The following RBBP6 variants were observed in gnomAD, a reference collection of about 807,000 sequenced individuals.
RBBP6 encodes E3 ubiquitin-protein ligase RBBP6.
A neutral mutation model predicts 167.7 loss-of-function variants in RBBP6; 25 were observed. The ratio of observed to expected loss-of-function variants is 0.15; its 90% CI spans 0.11 to 0.21. RBBP6 has a LOEUF of 0.21. Among genes scored for constraint, RBBP6 ranks in the 10% least tolerant of loss-of-function variants. The pLI, the probability that RBBP6 is intolerant of heterozygous loss-of-function variation, is 1.00. For synonymous variants in RBBP6, 789 were observed against 735.8 expected (o/e 1.07, Z -1.17); for missense variants, 1,868 against 2,134.2 (o/e 0.88, Z 2.46).
chr16:24,563,272 A>G lies in RBBP6; in HGVS notation c.1363A>G (p.Ile455Val). 1.2e-6 allele frequency: 2 copies of G among 1,610,462 alleles called. No homozygotes were observed. Among genetic ancestry groups the G allele is most frequent in the Non-Finnish European group, 1.7e-6 (2 of 1,178,424 alleles). The change falls in exon 11 of 18, where the codon ATT (isoleucine) becomes GTT (valine). Residue 455 changes from isoleucine to valine, a missense_variant. This residue lies in a region of RBBP6 where 245 missense variants were observed against 240.1 expected (regional missense o/e 1.02). Transcript: ENST00000319715. ...CTCAAAGGGAACCTCCTCAATTGCA[A>G]TTACCGCTCTTATGGAAGAGAAGGT... is the stretch of plus-strand genomic sequence containing the variant. ...EHSKGTSSIAITALMEEKGYQ... is the reference protein window; with the variant it reads ...EHSKGTSSIAVTALMEEKGYQ...
Position 24,569,080 on chromosome 16 carries a change from A to T in RBBP6, c.2390A>T (p.Asn797Ile). ...PQGETEREYF[N>I]RYREVPPPYD... ...GGGGAAACAGAACGTGAATATTTTA[A>T]TAGATACAGAGAAGTTCCACCACCA... The change falls in exon 17 of 18, where the codon AAT (asparagine) becomes ATT (isoleucine). Residue 797 changes from asparagine (N) to isoleucine (I), a missense_variant. Coordinates refer to ENST00000319715, the MANE Select transcript of RBBP6 (RefSeq NM_006910.5). The T allele has an allele frequency of 6.2e-7, 1 of 1,614,176 alleles. No individual in the cohort carries two copies. Among genetic ancestry groups the T allele is most frequent in the Non-Finnish European group, 8.5e-7 (1 of 1,179,996 alleles).
chr16:24,542,529 G>T (rs909190263), intron 1 of RBBP6, among the ~76,000 whole-genome samples: 4 of 151,280 alleles, frequency 2.6e-5, no homozygotes, highest in Non-Finnish European at 1.5e-5. Context: ...CACCATCTTA[G>T]CTCACTGCAA....
chr16:24,556,188 A>G, intron 6 of RBBP6, 120 bp from the exon 7 acceptor site: 1 of 818,326 alleles, frequency 1.2e-6, no homozygotes, highest in Non-Finnish European at 1.9e-6. Context: ...GGATTAAATG[A>G]GATCACATAT....
At position 24,546,168 on chromosome 16, in the gene RBBP6, A is replaced by T; in HGVS notation, c.172A>T (p.Thr58Ser). The change falls in exon 2 of 18, where the codon ACT becomes TCT. Residue 58 changes from threonine to serine, a missense_variant. By Grantham distance (58) the Thr-to-Ser change is moderately conservative (BLOSUM62 1). Around this residue, in one of 7 missense-constraint regions of RBBP6, gnomAD observed 184 missense variants for 327.7 expected, o/e 0.56. Transcript: ENST00000319715. ...ITNAQTKEEY[T>S]DDNALIPKNS... ...TTCTGTCTTTTTATTTACAGAATAT[A>T]CTGATGATAATGCTCTGATTCCTAA... is the stretch of plus-strand genomic sequence containing the variant. 6.3e-7 allele frequency: 1 copy of T among 1,581,944 alleles called. No individual in the cohort carries two copies. The highest frequency in any genetic ancestry group is 1.2e-5 in the South Asian group (1 of 83,938).
intron 11 of RBBP6, 53 bp from the exon 12 acceptor site, chr16:24,563,370 C>A: frequency 3.8e-6 from 5 of 1,308,062 alleles, no homozygotes; most frequent in African/African-American, 1.7e-5. Flanking sequence ...GTTCTTACCT[C>A]TTTTTTTTTT....
In RBBP6 at chr16:24,569,238, C is replaced by A; in HGVS notation, c.2548C>A (p.Gln850Lys). 1 of 1,612,796 alleles carries A rather than the reference C, an allele frequency of 6.2e-7. No homozygotes were observed. Among genetic ancestry groups the A allele is most frequent in the Non-Finnish European group, 8.5e-7 (1 of 1,179,706 alleles). The change falls in exon 17 of 18, where the codon CAG (glutamine) becomes AAG (lysine). Residue 850 changes from glutamine (Q) to lysine (K), a missense_variant. By Grantham distance (53) the Gln-to-Lys change is moderately conservative. Coordinates refer to ENST00000319715, the MANE Select transcript of RBBP6 (RefSeq NM_006910.5). The stretch of plus-strand genomic sequence containing the variant: ...TTATAAAGGTTATGCTGCTGGAGCA[C>A]AGCCTAGACCCTCAGCAAATAGAGA... ...KYYKGYAAGA[Q>K]PRPSANRENF...
Position 24,540,572 on chromosome 16 carries a change from C to T in RBBP6, c.-55C>T, listed in dbSNP as rs1462605804. The T allele has an allele frequency of 4.0e-6, 6 of 1,502,286 alleles. No homozygotes were observed. Among genetic ancestry groups the T allele is most frequent in the Non-Finnish European group, 5.5e-6 (6 of 1,100,048 alleles). 93.1% of individuals were successfully genotyped at this position (1,502,286 alleles called of 1,614,324 possible). A position where few individuals can be genotyped will look rare whatever the true frequency, so the allele number is the denominator to read the frequency against. On this transcript the variant is annotated 5_prime_UTR_variant, in exon 1 of 18. In the 5' UTR this introduces an upstream ATG that the reference lacks. Coordinates refer to ENST00000319715, the MANE Select transcript of RBBP6 (RefSeq NM_006910.5). ...TTTGCTCTTAAAGTTTATAAATATA[C>T]GTATATTGAGAGTGTCCACGTCTCC...
rs375169849 is a variant in RBBP6, at chr16:24,561,804, A to C, written c.952-20A>C. ...ATACTGCATAACATTTTTCTGCATT[A>C]TTATGCTTGGTATCTGTAGGCTGTA... On this transcript the variant is annotated intron_variant, in intron 9 of 17. Coordinates refer to ENST00000319715, the MANE Select transcript of RBBP6 (RefSeq NM_006910.5). 2.5e-6 allele frequency: 4 copies of C among 1,607,228 alleles called. No homozygotes were observed. The highest frequency in any genetic ancestry group is 3.4e-6 in the Non-Finnish European group (4 of 1,174,660).
chr16:24,546,682 A>G (rs958156024), intron 2 of RBBP6, among the ~76,000 whole-genome samples: 2 of 152,314 alleles, frequency 1.3e-5, no homozygotes, highest in Non-Finnish European at 2.9e-5. Context: ...CTCTTTATCA[A>G]TAAGGGGCTT....
At chr16:24,541,755 A>AT (rs1375699187) in intron 1 of RBBP6, among the ~76,000 whole-genome samples, 5 of 152,158 alleles carry the variant, frequency 3.3e-5, no homozygotes, top group Non-Finnish European at 7.4e-5. Flanking sequence ...GCTGATGTGT[A>AT]TTTTTTAGCA....
intron 2 of RBBP6, among the ~76,000 whole-genome samples, chr16:24,546,564 T>C (rs1182857219): frequency 6.6e-6 from 1 of 152,208 alleles, no homozygotes; most frequent in Non-Finnish European, 1.5e-5. Flanking sequence ...TGACTACTTT[T>C]TTTTGTGGGG....
intron 10 of RBBP6, among the ~76,000 whole-genome samples, chr16:24,562,844 C>G (rs1304558246): frequency 6.6e-6 from 1 of 152,110 alleles, no homozygotes; most frequent in Non-Finnish European, 1.5e-5. Flanking sequence ...ATGGCTGACC[C>G]AAGATTATCC....
Position 24,555,522 on chromosome 16 carries a change from T to TA in RBBP6, c.349-92dup, listed in dbSNP as rs1191960698. The TA allele has an allele frequency of 4.3e-6, 4 of 931,696 alleles. No individual in the cohort carries two copies. In the African/African-American group the frequency reaches 5.0e-5, roughly 12 times the overall value. The allele number at this position is 931,696 out of a possible 1,614,324, so 57.7% of individuals were successfully genotyped here. A position where few individuals can be genotyped will look rare whatever the true frequency, so the allele number is the denominator to read the frequency against. ...CTGTTTTTATGCAAGATTAGTTAGA[T>TA]ACTGCTCTTTACAGGATGAGTGGTG... is the stretch of plus-strand genomic sequence containing the variant. On this transcript the variant is annotated intron_variant, in intron 4 of 17. Coordinates refer to ENST00000319715, the MANE Select transcript of RBBP6 (RefSeq NM_006910.5).
chr16:24,553,624 C>T (rs146028190), intron 4 of RBBP6, 67 bp downstream of exon 4: 41 of 1,339,554 alleles, frequency 3.1e-5, no homozygotes, highest in Middle Eastern at 2.7e-4. Flanking sequence ...TTATGTGGAA[C>T]GGTTTTTTAA....
rs146555812 is a variant in RBBP6, at chr16:24,547,511, G to C, written c.266+1249G>C. 9.6e-3 allele frequency among the ~76,000 whole-genome samples: 1,468 copies of C among 152,184 alleles called. 29 individuals carry two copies. The highest frequency in any genetic ancestry group is 0.033 in the African/African-American group (1,364 of 41,496). On this transcript the variant is annotated intron_variant, in intron 2 of 17. Transcript: ENST00000319715. ...GGAGTCTCACTCTGTTGCCCAGCCT[G>C]GAGTGCAGTGGCACAATCTTGGCTC... is the stretch of plus-strand genomic sequence containing the variant.
chr16:24,545,528 T>C (rs1009382019), intron 1 of RBBP6, among the ~76,000 whole-genome samples: 1 of 152,226 alleles, frequency 6.6e-6, no homozygotes, highest in East Asian at 1.9e-4. Context: ...TCAAGCCGTT[T>C]CGTATCATTT....
rs1899066987 is a variant in RBBP6, at chr16:24,561,889, A to C, written c.1017A>C (p.Pro339=). 1 of 1,613,988 alleles carries C rather than the reference A, an allele frequency of 6.2e-7. No individual in the cohort carries two copies. Among genetic ancestry groups the C allele is most frequent in the Non-Finnish European group, 8.5e-7 (1 of 1,179,948 alleles). Residue 339 remains proline (P), a synonymous_variant, in exon 10 of 18, where the codon CCA becomes CCC. Transcript: ENST00000319715. ...TKRLRKQLPP[P]PPPIPPPRPL... is the part of the protein sequence containing the mutation. ...GACTACGAAAACAGTTACCTCCTCC[A>C]CCACCCCCAATACCACCTCCGAGAC...
At chr16:24,556,995 CTTTTTTTTTTT>C (rs397962167) in intron 7 of RBBP6, among the ~76,000 whole-genome samples, 2 of 108,846 alleles carry the variant, frequency 1.8e-5, no homozygotes, top group Admixed American at 1.1e-4. Context: ...ACCTTAATGC[CTTTTTTTTTTT>C]TTTTTTTTTT....
intron 1 of RBBP6, among the ~76,000 whole-genome samples, chr16:24,543,497 G>A (rs746817002): frequency 6.6e-6 from 1 of 151,962 alleles, no homozygotes; most frequent in South Asian, 2.1e-4. Flanking sequence ...TGGGGATTTT[G>A]CCATGTTGCC....
Sources: gnomAD v4.1 joint callset for allele counts (sites outside exome capture counted in the v4.1 genomes callset) on GRCh38, gnomAD v4.1.1 for gene constraint, gnomAD v4.1.1 regional missense constraint, MANE v1.5 for transcripts, NCBI Gene and HGNC (gene_info 2026-07-23, HGNC 2026-07-21) for gene names.